FGGY: variants seen among roughly 807,000 people sequenced by gnomAD.
FGGY encodes FGGY carbohydrate kinase domain containing.
In FGGY, 72 loss-of-function variants were observed where a neutral mutation model predicts 71.3. The observed-to-expected ratio is 1.01, with a 90% CI of 0.84 to 1.23. The LOEUF (loss-of-function observed/expected upper bound fraction) is 1.23, where lower values mean the gene tolerates loss of function less well. FGGY is among the 50% of genes most tolerant of loss of function. The probability of loss-of-function intolerance (pLI) is 0.00; values close to 1 mark genes in which losing one functional copy is unlikely to be tolerated. For synonymous variants in FGGY, 251 were observed against 250.3 expected (o/e 1.00, Z -0.02); for missense variants, 668 against 682.3 (o/e 0.98, Z 0.23).
intron 13 of FGGY, among the ~76,000 whole-genome samples, chr1:59,667,929 G>T (rs144741620): frequency 1.2e-3 from 177 of 152,312 alleles, no homozygotes; most frequent in African/African-American, 4.2e-3. Context: ...AGGGCGTGTG[G>T]TCTGGAAGAA....
intron 8 of FGGY, among the ~76,000 whole-genome samples, chr1:59,565,446 G>A (rs113429306): frequency 0.075 from 11,341 of 152,078 alleles, 949 homozygotes; most frequent in African/African-American, 0.21. Context: ...CACCATGCCC[G>A]GCTAATTTTT....
chr1:59,709,376 A>G (rs2097777657), intron 14 of FGGY, among the ~76,000 whole-genome samples: 1 of 151,930 alleles, frequency 6.6e-6, no homozygotes, highest in Non-Finnish European at 1.5e-5. Flanking sequence ...CACCCCCATA[A>G]TCCAATCACT....
At chr1:59,747,131 A>G (rs550626892) in intron 14 of FGGY, among the ~76,000 whole-genome samples, 2 of 152,188 alleles carry the variant, frequency 1.3e-5, no homozygotes, top group East Asian at 3.8e-4. Flanking sequence ...TTTCCAGTCA[A>G]CAATAGATTA....
At chr1:59,676,958 T>A (rs1380784772) in intron 14 of FGGY, among the ~76,000 whole-genome samples, 1 of 152,174 alleles carries the variant, frequency 6.6e-6, no homozygotes, top group East Asian at 1.9e-4. Context: ...CTGTTTTATG[T>A]ATTTTTTTTA....
In FGGY at chr1:59,620,156, TA is replaced by T. The variant is rs1178210514; in HGVS notation, c.1012-5831del. Among the ~76,000 whole-genome samples the T allele has an allele frequency of 2.0e-5, 3 of 152,154 alleles. No homozygotes were observed. The South Asian group carries it at 6.2e-4, about 32-fold the overall frequency. ...CTGATCCCCAAAGTTGACCCTCCAT[TA>T]TCTTCCTTCATCTTAGTAAAGAGTA... On this transcript the variant is annotated intron_variant, in intron 9 of 15. Transcript: ENST00000303721.
At chr1:59,578,054 T>C (rs1235082323) in intron 8 of FGGY, among the ~76,000 whole-genome samples, 1 of 151,980 alleles carries the variant, frequency 6.6e-6, no homozygotes, top group African/African-American at 2.4e-5. Context: ...CCTGAGGATA[T>C]AAAAGAGGTG....
chr1:59,398,012 G>T (rs1021009350), intron 5 of FGGY, among the ~76,000 whole-genome samples: 2 of 152,002 alleles, frequency 1.3e-5, no homozygotes, highest in Non-Finnish European at 2.9e-5. Flanking sequence ...AAAGGATGGG[G>T]GCCCTTCTAA....
intron 4 of FGGY, among the ~76,000 whole-genome samples, chr1:59,373,465 A>G (rs1400249487): frequency 1.3e-5 from 2 of 152,230 alleles, no homozygotes; most frequent in South Asian, 2.1e-4. Context: ...CAATATCGTG[A>G]AAATGGCCAT....
At chr1:59,473,453 T>C (rs2093092268) in intron 6 of FGGY, among the ~76,000 whole-genome samples, 1 of 152,168 alleles carries the variant, frequency 6.6e-6, no homozygotes, top group Admixed American at 6.5e-5. Flanking sequence ...GCTTCATTCT[T>C]GAAGTCAGTG....
chr1:59,507,830 C>T (rs188262086), intron 6 of FGGY, among the ~76,000 whole-genome samples: 23 of 152,048 alleles, frequency 1.5e-4, no homozygotes, highest in Non-Finnish European at 2.4e-4. Context: ...CAACCACGCC[C>T]GGCCACATTT....
chr1:59,706,279 G>A (rs2097757153), intron 14 of FGGY, among the ~76,000 whole-genome samples: 2 of 152,140 alleles, frequency 1.3e-5, no homozygotes, highest in South Asian at 4.1e-4. Context: ...AGACTTCCTG[G>A]AATTAAAACC....
At chr1:59,622,393 T>C (rs1283605749) in intron 9 of FGGY, among the ~76,000 whole-genome samples, 3 of 152,150 alleles carry the variant, frequency 2.0e-5, no homozygotes, top group Non-Finnish European at 2.9e-5. Flanking sequence ...ACATTGTGAT[T>C]GATATATTCT....
At chr1:59,462,829 G>C (rs2092343038) in intron 6 of FGGY, among the ~76,000 whole-genome samples, 1 of 151,896 alleles carries the variant, frequency 6.6e-6, no homozygotes. Flanking sequence ...AGAGGATGTG[G>C]AGAAATAGGA....
intron 8 of FGGY, among the ~76,000 whole-genome samples, chr1:59,585,247 T>C (rs1260578576): frequency 6.6e-6 from 1 of 152,180 alleles, no homozygotes; most frequent in African/African-American, 2.4e-5. Context: ...GCTAGAGGCA[T>C]CACGCTACCT....
At chr1:59,313,716 A>C (rs2153102326) in intron 1 of FGGY, among the ~76,000 whole-genome samples, 1 of 152,324 alleles carries the variant, frequency 6.6e-6, no homozygotes, top group African/African-American at 2.4e-5. Context: ...TGGAAAACCA[A>C]ACATTGTATG....
chr1:59,545,955 G>A (rs771050188), intron 7 of FGGY, among the ~76,000 whole-genome samples: 3 of 152,100 alleles, frequency 2.0e-5, no homozygotes, highest in Non-Finnish European at 2.9e-5. Context: ...CTTTGGGCCC[G>A]CAATTATTTT....
chr1:59,453,737 G>A (rs1333931585), intron 5 of FGGY, among the ~76,000 whole-genome samples: 2 of 152,096 alleles, frequency 1.3e-5, no homozygotes, highest in African/African-American at 4.8e-5. Flanking sequence ...AATCTCTTGA[G>A]GCTCAGACTC....
intron 5 of FGGY, among the ~76,000 whole-genome samples, chr1:59,414,624 G>A (rs2064087197): frequency 6.6e-6 from 1 of 152,126 alleles, no homozygotes; most frequent in South Asian, 2.1e-4. Flanking sequence ...GTGGACAAGT[G>A]TAGGGAAACC....
At chr1:59,336,174 A>G (rs1220375100) in intron 2 of FGGY, among the ~76,000 whole-genome samples, 5 of 152,130 alleles carry the variant, frequency 3.3e-5, no homozygotes, top group African/African-American at 1.2e-4. Flanking sequence ...GGTGTGAGGT[A>G]AGAGTCTAAG....
Sources: allele counts gnomAD v4.1 joint callset (sites outside exome capture counted in the v4.1 genomes callset), GRCh38; gene constraint gnomAD v4.1.1; transcripts MANE v1.5; gene names NCBI Gene and HGNC (gene_info 2026-07-23, HGNC 2026-07-21).